KLHL1: variants seen among roughly 807,000 people sequenced by gnomAD.
The protein encoded by KLHL1 is kelch like family member 1, also known as kelch-like protein 1.
A neutral mutation model predicts 77.7 loss-of-function variants in KLHL1; 47 were observed. That is an observed-to-expected ratio of 0.60 (90% CI 0.48 to 0.77). KLHL1 has a LOEUF of 0.77. KLHL1 is among the 30% of genes least tolerant of loss of function. The pLI is 0.00. For synonymous variants in KLHL1, 360 were observed against 325.2 expected, an observed-to-expected ratio of 1.11 and a Z score of -1.15; for missense variants, 925 against 910.8, an observed-to-expected ratio of 1.02 and a Z score of -0.20.
rs191421144 is a variant in KLHL1, at chr13:69,873,487, C to T, written c.1227+8796G>A. The stretch of plus-strand genomic sequence containing the variant: ...TATGTTTTGTTTAAGTTTGCCTTCC[C>T]TTTGTCCATTCAATAAGGGATTTTT... On this transcript the variant is annotated intron_variant, in intron 5 of 10. Coordinates refer to ENST00000377844, the MANE Select transcript of KLHL1 (RefSeq NM_020866.3). Among the ~76,000 whole-genome samples, 246 of 152,162 alleles carry T rather than the reference C, an allele frequency of 1.6e-3. 3 individuals are homozygous for T. Among genetic ancestry groups the T allele is most frequent in the Admixed American group, 1.2e-3 (18 of 15,272 alleles).
At chr13:69,925,065 G>A (rs1882768753) in intron 4 of KLHL1, among the ~76,000 whole-genome samples, 1 of 152,178 alleles carries the variant, frequency 6.6e-6, no homozygotes, top group Non-Finnish European at 1.5e-5. Flanking sequence ...AGTGCAAGCT[G>A]GGGACAGCCT....
intron 4 of KLHL1, among the ~76,000 whole-genome samples, chr13:69,934,767 C>T (rs1185082378): frequency 6.6e-6 from 1 of 151,852 alleles, no homozygotes; most frequent in Non-Finnish European, 1.5e-5. Flanking sequence ...TGCCTTCCCA[C>T]TTCAGATCAT....
rs145834254 is a variant in KLHL1 at position 70,107,186 on chromosome 13, G to C, written c.497+17C>G. On this transcript the variant is annotated intron_variant, in intron 1 of 10. Transcript: ENST00000377844. ...AAATTGAGAGATGCTTGGAAGCCCCGTGGGGACTTACTGTACCTGTGTCCA... is the reference window on the plus strand; with the variant it reads ...AAATTGAGAGATGCTTGGAAGCCCCCTGGGGACTTACTGTACCTGTGTCCA... The C allele has an allele frequency of 2.2e-5, 34 of 1,573,642 alleles. No individual in the cohort carries two copies. The highest frequency in any genetic ancestry group is 2.8e-5 in the Non-Finnish European group (33 of 1,159,020).
rs1315969006 is a variant in KLHL1, at chr13:69,817,207, T to C, written c.1415-20245A>G. Among the ~76,000 whole-genome samples, 9 of 152,138 alleles carry C rather than the reference T, an allele frequency of 5.9e-5. No homozygotes were observed. The South Asian group carries it at 8.3e-4, about 14-fold the overall frequency. On this transcript the variant is annotated intron_variant, in intron 6 of 10. Transcript: ENST00000377844. ...CCTATGCCCCAGAAAAGGTCTTCCA[T>C]ATAATATGTGAATTTTTCTAGCTTT...
At position 70,010,391 on chromosome 13, in the gene KLHL1, G is replaced by A. The variant is rs1260135668; in HGVS notation, c.498-34589C>T. Among the ~76,000 whole-genome samples the A allele has an allele frequency of 2.6e-5, 4 of 152,078 alleles. No individual in the cohort carries two copies. In the East Asian group the frequency reaches 5.8e-4, roughly 22 times the overall value. ...GATTTAAAAAAAAAAGTTTGCTTTG[G>A]GGCATTCTCCAAAGGTACTGCTGAG... On this transcript the variant is annotated intron_variant, in intron 1 of 10. Transcript: ENST00000377844.
rs537111135 is a variant in KLHL1 at position 70,045,738 on chromosome 13, C to T, written c.497+61465G>A. Among the ~76,000 whole-genome samples, 6 of 152,152 alleles carry T rather than the reference C, an allele frequency of 3.9e-5. 1 individual carries two copies. The East Asian group carries it at 7.7e-4, about 20-fold the overall frequency. ...GAGTAACTAAAGGACATTCCTGTAACACTTGTCTCTTTACTTAGTAAAAGC... is the reference window on the plus strand; with the variant it reads ...GAGTAACTAAAGGACATTCCTGTAATACTTGTCTCTTTACTTAGTAAAAGC... On this transcript the variant is annotated intron_variant, in intron 1 of 10. Coordinates refer to ENST00000377844, the MANE Select transcript of KLHL1 (RefSeq NM_020866.3).
At chr13:69,764,995 A>G (rs1875221394) in intron 7 of KLHL1, among the ~76,000 whole-genome samples, 1 of 108,782 alleles carries the variant, frequency 9.2e-6, no homozygotes, top group African/African-American at 3.6e-5. Context: ...TTTGTCGCCC[A>G]GGCTGGAGTG....
chr13:69,824,668 C>T (rs904424775), intron 6 of KLHL1, among the ~76,000 whole-genome samples: 5 of 151,966 alleles, frequency 3.3e-5, no homozygotes, highest in Admixed American at 2.6e-4. Context: ...TGTGTGATTT[C>T]CATTTATGTG....
chr13:70,068,986 G>A (rs1231004476), intron 1 of KLHL1, among the ~76,000 whole-genome samples: 2 of 152,134 alleles, frequency 1.3e-5, no homozygotes, highest in Non-Finnish European at 2.9e-5. Context: ...ATATCAAAAT[G>A]TCTTAGGAGC....
At chr13:70,057,530 A>T (rs1275170480) in intron 1 of KLHL1, among the ~76,000 whole-genome samples, 1 of 147,504 alleles carries the variant, frequency 6.8e-6, no homozygotes, top group African/African-American at 2.5e-5. Flanking sequence ...TAATCCCAGC[A>T]CTTTGGGAGG....
intron 7 of KLHL1, among the ~76,000 whole-genome samples, chr13:69,759,325 C>G (rs763996354): frequency 4.7e-4 from 72 of 152,244 alleles, no homozygotes; most frequent in Non-Finnish European, 9.4e-4. Flanking sequence ...ATGAACAAAT[C>G]AAGCAGGTAT....
chr13:69,930,267 T>G (rs1001106963), intron 4 of KLHL1, among the ~76,000 whole-genome samples: 1 of 151,894 alleles, frequency 6.6e-6, no homozygotes, highest in African/African-American at 2.4e-5. Flanking sequence ...GTGCATCCAT[T>G]TACTATGATG....
At chr13:70,048,931 G>T (rs1343513731) in intron 1 of KLHL1, among the ~76,000 whole-genome samples, 1 of 152,096 alleles carries the variant, frequency 6.6e-6, no homozygotes, top group Non-Finnish European at 1.5e-5. Flanking sequence ...ATAATATTAG[G>T]CTTGAAAAAT....
chr13:69,995,328 G>A (rs1241385960), intron 1 of KLHL1, among the ~76,000 whole-genome samples: 1 of 152,048 alleles, frequency 6.6e-6, no homozygotes, highest in Admixed American at 6.6e-5. Context: ...AATTGATCAT[G>A]AGGTATGAAT....
rs149932639 is a variant in KLHL1, at chr13:70,036,709, T to A, written c.498-60907A>T. The stretch of plus-strand genomic sequence containing the variant: ...GAAGTAGGATATTCCCTTATTTAAA[T>A]TTCCTTGTTTAAATTTGTGTTCATT... On this transcript the variant is annotated intron_variant, in intron 1 of 10. Transcript: ENST00000377844. 9.9e-3 allele frequency among the ~76,000 whole-genome samples: 1,506 copies of A among 151,974 alleles called. 14 individuals carry two copies. The highest frequency in any genetic ancestry group is 0.013 in the Non-Finnish European group (861 of 67,814).
intron 3 of KLHL1, among the ~76,000 whole-genome samples, chr13:69,941,012 G>C (rs1883349636): frequency 6.6e-6 from 1 of 151,774 alleles, no homozygotes; most frequent in Non-Finnish European, 1.5e-5. Context: ...GTACCTAAGT[G>C]AGTTTTACAA....
At position 70,107,552 on chromosome 13, in the gene KLHL1, C is replaced by G. The variant is rs774196463; in HGVS notation, c.148G>C (p.Gly50Arg). 6 of 1,608,714 alleles carry G rather than the reference C, an allele frequency of 3.7e-6. No individual in the cohort carries two copies. The Admixed American group carries it at 1.0e-4, about 27-fold the overall frequency. ...QDGSGSFEHW[G>R]PSQSRLLKSQ... ...TTGAGCAGGCGACTCTGGCTGGGTC[C>G]CCAGTGCTCAAAGCTGCCACTGCCG... Residue 50 changes from glycine (G) to arginine (R), a missense_variant, in exon 1 of 11, where the codon GGA (glycine) becomes CGA (arginine). Transcript: ENST00000377844.
At chr13:70,106,720 T>G (rs1328481342) in intron 1 of KLHL1, among the ~76,000 whole-genome samples, 1 of 152,184 alleles carries the variant, frequency 6.6e-6, no homozygotes, top group Non-Finnish European at 1.5e-5. Context: ...TGCTGTCCAG[T>G]GGCCTCATTT....
chr13:69,951,564 A>T (rs1883712752), intron 3 of KLHL1, among the ~76,000 whole-genome samples: 1 of 151,510 alleles, frequency 6.6e-6, no homozygotes, highest in African/African-American at 2.4e-5. Context: ...TTTATCTCAC[A>T]TTCTGCCCAG....
Sources: allele counts gnomAD v4.1 joint callset (sites outside exome capture counted in the v4.1 genomes callset), GRCh38; gene constraint gnomAD v4.1.1; transcripts MANE v1.5; gene names NCBI Gene and HGNC (gene_info 2026-07-23, HGNC 2026-07-21).